Variants in USP7 observed in about 807,000 individuals in gnomAD.
USP7 encodes the protein ubiquitin C-terminal hydrolase 7.
In USP7, 9 loss-of-function variants were observed where a neutral mutation model predicts 162.9. The ratio of observed to expected loss-of-function variants is 0.06; its 90% CI spans 0.03 to 0.10. The LOEUF (loss-of-function observed/expected upper bound fraction) is 0.10, where lower values mean the gene tolerates loss of function less well. Among genes scored for constraint, USP7 ranks in the 10% least tolerant of loss-of-function variants. The pLI is 1.00. For synonymous variants in USP7, 562 were observed against 475.9 expected (o/e 1.18, Z -2.35); for missense variants, 715 against 1,373.7 (o/e 0.52, Z 7.58).
At chr16:8,922,206 C>A (rs535390102) in intron 3 of USP7, among the ~76,000 whole-genome samples, 1 of 152,196 alleles carries the variant, frequency 6.6e-6, no homozygotes, top group South Asian at 2.1e-4. Context: ...AATGAAAGTA[C>A]GGCCAGGTGC....
At chr16:8,931,841 T>C (rs1430965060) in intron 1 of USP7, among the ~76,000 whole-genome samples, 5 of 152,210 alleles carry the variant, frequency 3.3e-5, no homozygotes, top group Non-Finnish European at 5.9e-5. Flanking sequence ...CATATTAGAA[T>C]AGCTCACTGC....
At chr16:8,920,282 AT>A in intron 5 of USP7, 76 bp downstream of exon 5, 3 of 1,245,596 alleles carry the variant, frequency 2.4e-6, no homozygotes, top group Non-Finnish European at 3.4e-6. Flanking sequence ...GTGCATCTCT[AT>A]TACATGCACG....
Position 8,945,700 on chromosome 16 carries a change from C to G in USP7, c.80-15303G>C, listed in dbSNP as rs139767926. 3.3e-3 allele frequency among the ~76,000 whole-genome samples: 496 copies of G among 152,162 alleles called. 3 individuals carry two copies. The highest frequency in any genetic ancestry group is 0.011 in the African/African-American group (462 of 41,516). On this transcript the variant is annotated intron_variant, in intron 1 of 30. Coordinates refer to ENST00000344836, the MANE Select transcript of USP7 (RefSeq NM_003470.3). ...AGGATTTTTCATAGCTAAGGACAAG[C>G]TGATTCTAATATTTATATGGAACAA...
At chr16:8,943,507 C>A (rs1390784218) in intron 1 of USP7, among the ~76,000 whole-genome samples, 4 of 152,020 alleles carry the variant, frequency 2.6e-5, no homozygotes, top group African/African-American at 4.8e-5. Context: ...GCCAAAGGAT[C>A]AACACCGAGA....
rs560345318 is a variant in USP7, at chr16:8,892,688, A to G, written c.*1310T>C. 6.6e-6 allele frequency: 1 copy of G among 152,080 alleles called. No individual in the cohort carries two copies. The highest frequency in any genetic ancestry group is 2.1e-4 in the South Asian group (1 of 4,822). The allele number at this position is 152,080 out of a possible 1,614,324, so 9.4% of individuals were successfully genotyped here. ...TAGAAGGAAAAGTACATCTCAGTGA[A>G]ACCTTGTTACAAATGCCAAGGTTTC... On this transcript the variant is annotated 3_prime_UTR_variant, in exon 31 of 31. Coordinates refer to ENST00000344836, the MANE Select transcript of USP7 (RefSeq NM_003470.3).
At chr16:8,950,040 C>T (rs920860661) in intron 1 of USP7, among the ~76,000 whole-genome samples, 27 of 152,314 alleles carry the variant, frequency 1.8e-4, no homozygotes, top group African/African-American at 4.6e-4. Flanking sequence ...GGCAACTGAG[C>T]GCTTGAAACA....
chr16:8,961,885 TCC>T (rs1900030724), intron 1 of USP7, among the ~76,000 whole-genome samples: 1 of 152,184 alleles, frequency 6.6e-6, no homozygotes, highest in African/African-American at 2.4e-5. Flanking sequence ...GATAACCCAG[TCC>T]TTGGCGTGGA....
intron 1 of USP7, chr16:8,936,800 C>A: frequency 8.0e-7 from 1 of 1,252,090 alleles, no homozygotes. Context: ...ATAAGGCAGT[C>A]CAGGAACAGA....
At position 8,899,875 on chromosome 16, in the gene USP7, TCAGGTTCCC is replaced by T; in HGVS notation, c.2310-127_2310-119del. 2.3e-6 allele frequency: 3 copies of T among 1,287,220 alleles called. No individual in the cohort carries two copies. The South Asian group carries it at 3.7e-5, about 16-fold the overall frequency. 79.7% of individuals were successfully genotyped at this position (1,287,220 alleles called of 1,614,324 possible). On this transcript the variant is annotated intron_variant, in intron 21 of 30. Coordinates refer to ENST00000344836, the MANE Select transcript of USP7 (RefSeq NM_003470.3). ...CAACAGGCTCTCTTGCAAGATAAAT[TCAGGTTCCC>T]CTTTGAGGGGGCCAGGCATCTGCCT...
At chr16:8,894,223 G>C in intron 30 of USP7, 119 bp from the exon 31 acceptor site, 1 of 942,108 alleles carries the variant, frequency 1.1e-6, no homozygotes, top group Admixed American at 1.9e-5. Context: ...TCGCAGGGAA[G>C]CCAGGACCTG....
At chr16:8,922,184 A>T (rs190087625) in intron 3 of USP7, among the ~76,000 whole-genome samples, 1 of 152,308 alleles carries the variant, frequency 6.6e-6, no homozygotes, top group East Asian at 1.9e-4. Flanking sequence ...AATTACCTTA[A>T]ACATTAAAGA....
intron 1 of USP7, among the ~76,000 whole-genome samples, chr16:8,942,598 A>G (rs1291907246): frequency 6.6e-6 from 1 of 152,138 alleles, no homozygotes; most frequent in Admixed American, 6.5e-5. Flanking sequence ...GGCAGGCTGG[A>G]GTGCAGTGGT....
chr16:8,908,222 G>A, intron 12 of USP7, 119 bp downstream of exon 12: 1 of 847,706 alleles, frequency 1.2e-6, no homozygotes, highest in South Asian at 1.5e-5. Context: ...GAGGTAGAAG[G>A]AAAATCTAAA....
In USP7 at chr16:8,963,403, C is replaced by G. The variant is rs1433743143; in HGVS notation, c.-118G>C. On this transcript the variant is annotated 5_prime_UTR_variant, in exon 1 of 31. Transcript: ENST00000344836. ...GCGGCGGCGGGGCGGCCTCCTCCTC[C>G]TCCTCCCGCGCGTCGTCGGCGACGG... The G allele has an allele frequency of 5.9e-6, 1 of 170,550 alleles. No homozygotes were observed. The highest frequency in any genetic ancestry group is 2.5e-5 in the African/African-American group (1 of 40,210). The allele number at this position is 170,550 out of a possible 1,614,324, so 10.6% of individuals were successfully genotyped here.
At chr16:8,897,526 T>C (rs1168013909) in intron 25 of USP7, among the ~76,000 whole-genome samples, 1 of 151,312 alleles carries the variant, frequency 6.6e-6, no homozygotes, top group African/African-American at 2.4e-5. Flanking sequence ...TTTCCCTCTA[T>C]ACTTGTAGAG....
At chr16:8,958,648 G>T (rs1209972788) in intron 1 of USP7, among the ~76,000 whole-genome samples, 1 of 152,116 alleles carries the variant, frequency 6.6e-6, no homozygotes, top group Non-Finnish European at 1.5e-5. Context: ...CCAACGTCTG[G>T]ACACTCAGGG....
At chr16:8,958,732 A>G (rs1899899119) in intron 1 of USP7, among the ~76,000 whole-genome samples, 1 of 152,220 alleles carries the variant, frequency 6.6e-6, no homozygotes, top group African/African-American at 2.4e-5. Context: ...CTCACGCAAG[A>G]ATCATCAGAA....
At position 8,934,511 on chromosome 16, in the gene USP7, G is replaced by A. The variant is rs142482171; in HGVS notation, c.80-4114C>T. ...CTCTACCCCCCATTTTTCAGCAGTGGGATTAATTGCAGTGTGATGACTAAA... is the reference window on the plus strand; with the variant it reads ...CTCTACCCCCCATTTTTCAGCAGTGAGATTAATTGCAGTGTGATGACTAAA... On this transcript the variant is annotated intron_variant, in intron 1 of 30. Transcript: ENST00000344836. Among the ~76,000 whole-genome samples the A allele has an allele frequency of 4.5e-3, 692 of 152,302 alleles. 4 individuals carry two copies. The highest frequency in any genetic ancestry group is 0.016 in the African/African-American group (658 of 41,560).
chr16:8,892,199 T>C lies in USP7; in HGVS notation c.*1799A>G, dbSNP rs991255208. 2 of 152,274 alleles carry C rather than the reference T, an allele frequency of 1.3e-5. No homozygotes were observed. Among genetic ancestry groups the C allele is most frequent in the Non-Finnish European group, 2.9e-5 (2 of 68,086 alleles). The allele number at this position is 152,274 out of a possible 1,614,324, so 9.4% of individuals were successfully genotyped here. A position where few individuals can be genotyped will look rare whatever the true frequency, so the allele number is the denominator to read the frequency against. Reference sequence around the variant, plus strand: ...CCAGAACAAAAACAAGACACCTTAATGTTTGTTCAAAGACAAACCCACAGC... The same window carrying C: ...CCAGAACAAAAACAAGACACCTTAACGTTTGTTCAAAGACAAACCCACAGC... On this transcript the variant is annotated 3_prime_UTR_variant, in exon 31 of 31. Transcript: ENST00000344836.
Sources: allele counts gnomAD v4.1 joint callset (sites outside exome capture counted in the v4.1 genomes callset), GRCh38; gene constraint gnomAD v4.1.1; transcripts MANE v1.5; gene names NCBI Gene and HGNC (gene_info 2026-07-23, HGNC 2026-07-21).